KPNA6: variants seen among roughly 807,000 people sequenced by gnomAD.
The protein encoded by KPNA6 is importin subunit alpha-7.
In KPNA6, 9 loss-of-function variants were observed where a neutral mutation model predicts 72.0. The observed-to-expected ratio is 0.13, with a 90% CI of 0.08 to 0.22. The LOEUF is 0.22. KPNA6 is among the 10% of genes least tolerant of loss of function. KPNA6 has a pLI of 1.00. For synonymous variants in KPNA6, 219 were observed against 242.1 expected, an observed-to-expected ratio of 0.90 and a Z score of 0.89; for missense variants, 374 against 655.7, an observed-to-expected ratio of 0.57 and a Z score of 4.69.
intron 1 of KPNA6, among the ~76,000 whole-genome samples, chr1:32,140,816 A>G (rs1363880813): frequency 3.9e-5 from 6 of 152,340 alleles, no homozygotes; most frequent in South Asian, 2.1e-4. Context: ...TCAACTTTAT[A>G]TTAATTTACA....
At chr1:32,146,221 C>T (rs1641927415) in intron 1 of KPNA6, among the ~76,000 whole-genome samples, 1 of 152,096 alleles carries the variant, frequency 6.6e-6, no homozygotes, top group Non-Finnish European at 1.5e-5. Context: ...ATCTGTAGGC[C>T]ACAGTTGGTG....
intron 11 of KPNA6, 89 bp from the exon 12 acceptor site, chr1:32,167,080 C>CT: frequency 1.3e-6 from 2 of 1,497,026 alleles, no homozygotes; most frequent in Non-Finnish European, 1.8e-6. Context: ...GGGAAGATGT[C>CT]TAAGTCTCAG....
intron 12 of KPNA6, among the ~76,000 whole-genome samples, chr1:32,168,921 C>A (rs539444901): frequency 6.6e-6 from 1 of 152,070 alleles, no homozygotes; most frequent in Non-Finnish European, 1.5e-5. Flanking sequence ...GTAATGTGTT[C>A]AGAGGGGTAA....
intron 9 of KPNA6, 32 bp downstream of exon 9, chr1:32,162,556 G>A (rs761378136): frequency 6.2e-7 from 1 of 1,611,510 alleles, no homozygotes; most frequent in African/African-American, 1.3e-5. Flanking sequence ...ACAGGTTCTG[G>A]CTGGGCACGG....
intron 1 of KPNA6, among the ~76,000 whole-genome samples, chr1:32,154,326 G>A (rs1345865239): frequency 6.6e-6 from 1 of 151,482 alleles, no homozygotes; most frequent in African/African-American, 2.4e-5. Context: ...TGTGAACCCA[G>A]ACAATCTGTC....
rs368476136 is a variant in KPNA6 at position 32,120,201 on chromosome 1, G to A, written c.4+12067G>A. Among the ~76,000 whole-genome samples the A allele has an allele frequency of 2.1e-4, 32 of 151,648 alleles. No individual in the cohort carries two copies. The East Asian group carries it at 5.4e-3, about 26-fold the overall frequency. On this transcript the variant is annotated intron_variant, in intron 1 of 13. Coordinates refer to ENST00000373625, the MANE Select transcript of KPNA6 (RefSeq NM_012316.5). ...TTCTGTGTATCTTATGAAATATTAC[G>A]TAGTCTCTGTATTTTACAAAATTAT... is the stretch of plus-strand genomic sequence containing the variant.
chr1:32,119,030 A>ATATG (rs1641384307), intron 1 of KPNA6, among the ~76,000 whole-genome samples: 1 of 56,522 alleles, frequency 1.8e-5, no homozygotes, highest in South Asian at 1.0e-3. Flanking sequence ...ATATATATAT[A>ATATG]TATTTTTTTT....
rs1642454510 is a variant in KPNA6 at position 32,172,438 on chromosome 1, C to G, written c.*1544C>G. On this transcript the variant is annotated 3_prime_UTR_variant, in exon 14 of 14. Transcript: ENST00000373625. ...ATCTCAATGGCCATTGTCCACATAA[C>G]TGATCACCCATGGCTGCCTCTCCTA... The G allele has an allele frequency of 6.6e-6, 1 of 151,724 alleles. No individual in the cohort carries two copies. The allele number at this position is 151,724 out of a possible 1,614,324, so 9.4% of individuals were successfully genotyped here.
intron 1 of KPNA6, among the ~76,000 whole-genome samples, chr1:32,152,047 A>G (rs974225273): frequency 2.0e-5 from 3 of 152,198 alleles, no homozygotes; most frequent in Non-Finnish European, 4.4e-5. Flanking sequence ...TTTGAACAAC[A>G]TGATGGGCAT....
At position 32,120,871 on chromosome 1, in the gene KPNA6, C is replaced by CTTT. The variant is rs767698422; in HGVS notation, c.4+12752_4+12754dup. Among the ~76,000 whole-genome samples the CTTT allele has an allele frequency of 1.4e-3, 173 of 120,612 alleles. 1 individual carries two copies. Among genetic ancestry groups the CTTT allele is most frequent in the African/African-American group, 4.2e-3 (140 of 32,950 alleles). 79.1% of individuals were successfully genotyped at this position (120,612 alleles called of 152,430 possible). A position where few individuals can be genotyped will look rare whatever the true frequency, so the allele number is the denominator to read the frequency against. Reference sequence around the variant, plus strand: ...CCACCACACCCAGACGGAGTTCCTTCTTTTTTTTTTTTTTTTTGACAGAGT... The same window carrying CTTT: ...CCACCACACCCAGACGGAGTTCCTTCTTTTTTTTTTTTTTTTTTTTGACAGAGT... On this transcript the variant is annotated intron_variant, in intron 1 of 13. Coordinates refer to ENST00000373625, the MANE Select transcript of KPNA6 (RefSeq NM_012316.5).
intron 1 of KPNA6, among the ~76,000 whole-genome samples, chr1:32,124,623 C>T (rs1348658720): frequency 2.0e-5 from 3 of 151,668 alleles, no homozygotes; most frequent in Non-Finnish European, 4.4e-5. Flanking sequence ...TCTCCTGCCT[C>T]AACCTCCTGA....
intron 1 of KPNA6, 101 bp downstream of exon 1, chr1:32,108,235 C>T (rs895551908): frequency 2.6e-6 from 4 of 1,533,916 alleles, no homozygotes; most frequent in Non-Finnish European, 3.6e-6. Context: ...ATGTCTGCAT[C>T]CCCTCTAGCT....
intron 1 of KPNA6, among the ~76,000 whole-genome samples, chr1:32,131,526 A>G (rs1384842269): frequency 6.6e-6 from 1 of 152,210 alleles, no homozygotes; most frequent in East Asian, 1.9e-4. Flanking sequence ...AAATTTAAAA[A>G]GACACTGAAA....
At chr1:32,114,625 A>G (rs780593763) in intron 1 of KPNA6, among the ~76,000 whole-genome samples, 2 of 152,106 alleles carry the variant, frequency 1.3e-5, no homozygotes, top group Non-Finnish European at 2.9e-5. Context: ...CCCCAGCTGC[A>G]TTAGCCCATA....
At chr1:32,135,650 T>A (rs1193405638) in intron 1 of KPNA6, among the ~76,000 whole-genome samples, 6 of 151,010 alleles carry the variant, frequency 4.0e-5, no homozygotes, top group Non-Finnish European at 7.4e-5. Flanking sequence ...TTTTTTTTTT[T>A]AGAGGCAGGG....
intron 1 of KPNA6, among the ~76,000 whole-genome samples, chr1:32,139,072 A>G (rs1324071496): frequency 6.6e-6 from 1 of 152,148 alleles, no homozygotes; most frequent in Non-Finnish European, 1.5e-5. Context: ...GCAAACACTT[A>G]TTAAATAGCT....
chr1:32,168,123 G>C (rs1038313199), intron 12 of KPNA6, among the ~76,000 whole-genome samples: 1 of 152,216 alleles, frequency 6.6e-6, no homozygotes, highest in East Asian at 1.9e-4. Flanking sequence ...AGCTGTGATT[G>C]TGCCACTACA....
chr1:32,129,336 AT>A (rs199767047), intron 1 of KPNA6, among the ~76,000 whole-genome samples: 3 of 146,862 alleles, frequency 2.0e-5, no homozygotes, highest in Non-Finnish European at 1.5e-5. Context: ...TAATTTTTGT[AT>A]TTTTTTTTAG....
intron 1 of KPNA6, among the ~76,000 whole-genome samples, chr1:32,146,404 G>A (rs147743928): frequency 3.9e-5 from 6 of 152,268 alleles, no homozygotes; most frequent in African/African-American, 1.2e-4. Context: ...AGATATTCAT[G>A]TAGCTATTCC....
Sources: allele counts gnomAD v4.1 joint callset (sites outside exome capture counted in the v4.1 genomes callset), GRCh38; gene constraint gnomAD v4.1.1; transcripts MANE v1.5; gene names NCBI Gene and HGNC (gene_info 2026-07-23, HGNC 2026-07-21).